Variants in PLPPR1 observed in about 807,000 individuals in gnomAD.
PLPPR1 encodes phospholipid phosphatase related 1.
Under a neutral mutation model 33.1 loss-of-function variants are expected in PLPPR1, and 10 were observed. The observed-to-expected ratio is 0.30, with a 90% CI of 0.19 to 0.51. The LOEUF (loss-of-function observed/expected upper bound fraction) is 0.51, where lower values mean the gene tolerates loss of function less well. Among genes scored for constraint, PLPPR1 ranks in the 20% least tolerant of loss-of-function variants. PLPPR1 has a pLI of 0.97. For missense variants in PLPPR1, 304 were observed against 408.1 expected (o/e 0.74, Z 2.20); for synonymous variants, 151 against 151.0 (o/e 1.00, Z 0.00).
In PLPPR1 at chr9:101,269,983, T is replaced by C; in HGVS notation, c.167T>C (p.Met56Thr). 1 of 1,614,228 alleles carries C rather than the reference T, an allele frequency of 6.2e-7. No homozygotes were observed. The highest frequency in any genetic ancestry group is 8.5e-7 in the Non-Finnish European group (1 of 1,180,032). Residue 56 changes from methionine to threonine, a missense_variant, in exon 3 of 8, where the codon ATG (methionine) becomes ACG (threonine). Met to Thr is a moderately conservative substitution (Grantham distance 81). Transcript: ENST00000374874. ...TTCTTCTGTCAGGACGGAGACTTAA[T>C]GAAGCCTTACCCAGGGACAGAGGAA... ...QGFFCQDGDL[M>T]KPYPGTEEES...
chr9:101,265,579 G>C (rs1028094237), intron 2 of PLPPR1, among the ~76,000 whole-genome samples: 1 of 152,232 alleles, frequency 6.6e-6, no homozygotes, highest in African/African-American at 2.4e-5. Context: ...GAAGAAAGGA[G>C]TATGCTGATG....
At chr9:101,307,152 G>A (rs145646116) in intron 4 of PLPPR1, among the ~76,000 whole-genome samples, 1 of 152,330 alleles carries the variant, frequency 6.6e-6, no homozygotes, top group Non-Finnish European at 1.5e-5. Context: ...AGAAGGCAGA[G>A]AGAAGAAGAG....
At chr9:101,213,434 C>A (rs1488899515) in intron 2 of PLPPR1, among the ~76,000 whole-genome samples, 32 of 152,022 alleles carry the variant, frequency 2.1e-4, no homozygotes, top group Admixed American at 2.1e-3. Flanking sequence ...TGTGGAAATT[C>A]TAAGGTTATT....
intron 1 of PLPPR1, among the ~76,000 whole-genome samples, chr9:101,113,796 A>C (rs1436032328): frequency 6.6e-6 from 1 of 152,206 alleles, no homozygotes; most frequent in Non-Finnish European, 1.5e-5. Context: ...CTTTTAAAAA[A>C]GCAATTTGCA....
chr9:101,291,087 C>G (rs879422811), intron 4 of PLPPR1, among the ~76,000 whole-genome samples: 1 of 152,220 alleles, frequency 6.6e-6, no homozygotes, highest in Admixed American at 6.5e-5. Context: ...CACCCTAATA[C>G]TGCGCTTTTC....
At chr9:101,255,767 A>G (rs2118872150) in intron 2 of PLPPR1, among the ~76,000 whole-genome samples, 1 of 152,342 alleles carries the variant, frequency 6.6e-6, no homozygotes, top group South Asian at 2.1e-4. Flanking sequence ...AGTAGTGGCA[A>G]TACAATATGG....
At chr9:101,034,932 G>T (rs956772991) in intron 1 of PLPPR1, among the ~76,000 whole-genome samples, 1 of 152,126 alleles carries the variant, frequency 6.6e-6, no homozygotes, top group South Asian at 2.1e-4. Flanking sequence ...CATAAGCCTA[G>T]GTAGAGTAGA....
chr9:101,172,887 C>A (rs918603761), intron 1 of PLPPR1, among the ~76,000 whole-genome samples: 2 of 152,088 alleles, frequency 1.3e-5, no homozygotes, highest in Non-Finnish European at 2.9e-5. Flanking sequence ...AGGATCATTG[C>A]ACTTTATTGC....
chr9:101,163,944 T>C (rs1236414615), intron 1 of PLPPR1, among the ~76,000 whole-genome samples: 3 of 152,116 alleles, frequency 2.0e-5, no homozygotes, highest in Non-Finnish European at 4.4e-5. Context: ...TGTATCTTGG[T>C]AGGAATTTGT....
chr9:101,193,232 C>T (rs149411447), intron 2 of PLPPR1, among the ~76,000 whole-genome samples: 354 of 152,220 alleles, frequency 2.3e-3, no homozygotes, highest in Non-Finnish European at 3.5e-3. Context: ...GGTTAGACTC[C>T]AAGGGAAGGA....
intron 2 of PLPPR1, among the ~76,000 whole-genome samples, chr9:101,253,225 C>CT (rs200875673): frequency 0.021 from 3,141 of 148,368 alleles, 41 homozygotes; most frequent in Middle Eastern, 0.093. Context: ...AATCAGGTGT[C>CT]TTTTTTTTTT....
At chr9:101,087,215 T>A (rs543809137) in intron 1 of PLPPR1, among the ~76,000 whole-genome samples, 43 of 151,708 alleles carry the variant, frequency 2.8e-4, no homozygotes, top group East Asian at 2.1e-3. Flanking sequence ...ATAAAAAAAA[T>A]TGAGATTAGA....
chr9:101,084,006 C>T (rs1830649925), intron 1 of PLPPR1, among the ~76,000 whole-genome samples: 1 of 152,130 alleles, frequency 6.6e-6, no homozygotes, highest in South Asian at 2.1e-4. Context: ...TTGTGTTTGG[C>T]CTGAGTGGCT....
At chr9:101,238,198 C>G (rs557027278) in intron 2 of PLPPR1, among the ~76,000 whole-genome samples, 1 of 133,054 alleles carries the variant, frequency 7.5e-6, no homozygotes, top group African/African-American at 2.8e-5. Context: ...TATATATATA[C>G]CCTATATATA....
intron 1 of PLPPR1, among the ~76,000 whole-genome samples, chr9:101,044,299 G>C (rs1830119634): frequency 6.6e-6 from 1 of 152,156 alleles, no homozygotes; most frequent in South Asian, 2.1e-4. Context: ...GACTCCTACT[G>C]CTTGATCCCC....
intron 1 of PLPPR1, among the ~76,000 whole-genome samples, chr9:101,120,651 A>G (rs1831167527): frequency 6.6e-6 from 1 of 152,204 alleles, no homozygotes; most frequent in African/African-American, 2.4e-5. Flanking sequence ...AATGGAGATG[A>G]TTACACCACC....
At chr9:101,149,994 T>A (rs1262906176) in intron 1 of PLPPR1, among the ~76,000 whole-genome samples, 1 of 152,150 alleles carries the variant, frequency 6.6e-6, no homozygotes, top group African/African-American at 2.4e-5. Flanking sequence ...TTTTCTTAAC[T>A]TGTTTTATGT....
In PLPPR1 at chr9:101,324,417, TATTACCAC is replaced by T. The variant is rs1564040411; in HGVS notation, c.*362_*369del. On this transcript the variant is annotated 3_prime_UTR_variant, in exon 8 of 8. Coordinates refer to ENST00000374874, the MANE Select transcript of PLPPR1 (RefSeq NM_207299.2). ...AATATAACAATTCACTTTAAACTTT[TATTACCAC>T]AGTTGCTGCCTCCTCCAGAATTTTT... is the stretch of plus-strand genomic sequence containing the variant. 5.7e-6 allele frequency: 1 copy of T among 175,158 alleles called. No homozygotes were observed. Among genetic ancestry groups the T allele is most frequent in the Admixed American group, 6.3e-5 (1 of 15,984 alleles). The allele number at this position is 175,158 out of a possible 1,614,324, so 10.9% of individuals were successfully genotyped here. A position where few individuals can be genotyped will look rare whatever the true frequency, so the allele number is the denominator to read the frequency against.
intron 2 of PLPPR1, among the ~76,000 whole-genome samples, chr9:101,220,049 T>C (rs1456837466): frequency 6.6e-6 from 1 of 152,224 alleles, no homozygotes; most frequent in African/African-American, 2.4e-5. Context: ...TCTGGGTTTC[T>C]TTGGCATTAG....
Sources: allele counts gnomAD v4.1 joint callset (sites outside exome capture counted in the v4.1 genomes callset), GRCh38; gene constraint gnomAD v4.1.1; transcripts MANE v1.5; gene names NCBI Gene and HGNC (gene_info 2026-07-23, HGNC 2026-07-21).